PDE4DIP: variants seen among roughly 807,000 people sequenced by gnomAD.
The protein encoded by PDE4DIP is phosphodiesterase 4D interacting protein.
A neutral mutation model predicts 221.4 loss-of-function variants in PDE4DIP; 59 were observed. The observed-to-expected ratio is 0.27, with a 90% CI of 0.22 to 0.33. The LOEUF (loss-of-function observed/expected upper bound fraction) is 0.33. Ranked by LOEUF, PDE4DIP falls within the 10% of genes least tolerant of loss-of-function variation. The pLI is 1.00. For synonymous variants in PDE4DIP, 404 were observed against 815.9 expected (o/e 0.50, Z 8.60); for missense variants, 1,036 against 2,154.2 (o/e 0.48, Z 10.28).
rs781894136 is a variant in PDE4DIP, at chr1:149,005,057, T to C, written c.4035T>C (p.Tyr1345=). 9 of 1,611,920 alleles carry C rather than the reference T, an allele frequency of 5.6e-6. No individual in the cohort carries two copies. In the South Asian group the frequency reaches 7.7e-5, roughly 14 times the overall value. ...GGAAGCAGGAAGAGTTCCGGGTATA[T>C]GGAAAGTCAGAAAACATCTTGGTCC... Residue 1345 remains tyrosine, a synonymous_variant, in exon 27 of 44, where the codon TAT becomes TAC. Transcript: ENST00000369354.
At chr1:148,976,683 T>C (rs2060233139) in intron 17 of PDE4DIP, among the ~76,000 whole-genome samples, 1 of 151,442 alleles carries the variant, frequency 6.6e-6, no homozygotes, top group Non-Finnish European at 1.5e-5. Context: ...TAGAGTATAG[T>C]AAGTGATATG....
At chr1:148,985,675 T>C (rs1244934945) in intron 21 of PDE4DIP, 2 of 152,208 alleles carry the variant, frequency 1.3e-5, no homozygotes, top group African/African-American at 2.4e-5. Flanking sequence ...TAATTAAACT[T>C]ATAAAGTGAT....
chr1:148,922,876 G>A (rs1157488199), intron 1 of PDE4DIP, among the ~76,000 whole-genome samples: 2 of 150,198 alleles, frequency 1.3e-5, no homozygotes, highest in African/African-American at 4.9e-5. Flanking sequence ...ATGAGCCACC[G>A]TGCCCGGCCC....
At chr1:149,016,940 C>T (rs2070805264) in intron 33 of PDE4DIP, among the ~76,000 whole-genome samples, 2 of 152,390 alleles carry the variant, frequency 1.3e-5, no homozygotes, top group South Asian at 4.1e-4. Context: ...CCTGACCCTG[C>T]AAATATATCC....
intron 21 of PDE4DIP, chr1:148,982,590 G>A (rs1340757459): frequency 6.6e-6 from 1 of 152,210 alleles, no homozygotes; most frequent in Non-Finnish European, 1.5e-5. Flanking sequence ...AGTGTGAAAA[G>A]TAACCAAGAT....
intron 1 of PDE4DIP, among the ~76,000 whole-genome samples, chr1:148,925,722 C>A (rs1553465349): frequency 6.6e-6 from 1 of 150,750 alleles, no homozygotes; most frequent in Non-Finnish European, 1.5e-5. Context: ...TTGTTCTATG[C>A]TTATCATGCA....
intron 5 of PDE4DIP, among the ~76,000 whole-genome samples, chr1:148,940,522 A>G (rs2050288651): frequency 6.7e-6 from 1 of 150,222 alleles, no homozygotes; most frequent in African/African-American, 2.4e-5. Context: ...CATCTATGGT[A>G]TTCTGAAATA....
In PDE4DIP at chr1:148,984,610, C is replaced by T. The variant is rs1365657197; in HGVS notation, c.2815+3213C>T. The T allele has an allele frequency of 2.6e-5, 4 of 152,092 alleles. 1 individual carries two copies. Among genetic ancestry groups the T allele is most frequent in the African/African-American group, 7.2e-5 (3 of 41,436 alleles). 9.4% of individuals were successfully genotyped at this position (152,092 alleles called of 1,614,324 possible). A position where few individuals can be genotyped will look rare whatever the true frequency, so the allele number is the denominator to read the frequency against. ...GATGTTTGGTTCATAGCTTCAAAAA[C>T]TGTTCAAGAAGACTGATTTCAGTTC... On this transcript the variant is annotated intron_variant, in intron 21 of 43. Transcript: ENST00000369354.
At chr1:149,015,026 G>A (rs1368557673) in intron 32 of PDE4DIP, among the ~76,000 whole-genome samples, 5 of 151,880 alleles carry the variant, frequency 3.3e-5, no homozygotes, top group South Asian at 2.1e-4. Flanking sequence ...AGGAAATCAT[G>A]TATTTGTTGC....
At chr1:148,864,872 GA>G (rs1685908205) in intron 2 of PDE4DIP, among the ~76,000 whole-genome samples, 2 of 120,330 alleles carry the variant, frequency 1.7e-5, no homozygotes, top group African/African-American at 7.4e-5. Context: ...CTGTTTTACA[GA>G]GGCAATATAT....
At chr1:148,950,289 AC>A (rs2151203798) in intron 5 of PDE4DIP, among the ~76,000 whole-genome samples, 1 of 151,306 alleles carries the variant, frequency 6.6e-6, no homozygotes, top group East Asian at 2.0e-4. Flanking sequence ...TCTATAGATC[AC>A]CATAGATTCC....
At chr1:149,029,328 T>C (rs2076047405) in intron 41 of PDE4DIP, among the ~76,000 whole-genome samples, 1 of 152,202 alleles carries the variant, frequency 6.6e-6, no homozygotes, top group Non-Finnish European at 1.5e-5. Flanking sequence ...GATCCAACTA[T>C]GCTAATTCCA....
chr1:148,975,033 T>C (rs1160612750), intron 17 of PDE4DIP, among the ~76,000 whole-genome samples: 4 of 129,038 alleles, frequency 3.1e-5, no homozygotes, highest in Non-Finnish European at 6.4e-5. Context: ...TAGCCAGGTG[T>C]AGTGGCGGGC....
At chr1:148,947,007 T>C (rs1488039633) in intron 5 of PDE4DIP, among the ~76,000 whole-genome samples, 1 of 152,278 alleles carries the variant, frequency 6.6e-6, no homozygotes, top group Non-Finnish European at 1.5e-5. Flanking sequence ...TAAATTTAAT[T>C]CAGTACCATT....
At chr1:148,975,266 G>A (rs1416001914) in intron 17 of PDE4DIP, among the ~76,000 whole-genome samples, 1 of 147,476 alleles carries the variant, frequency 6.8e-6, no homozygotes, top group Non-Finnish European at 1.5e-5. Context: ...TTAGATCCGT[G>A]AAATTAGATT....
chr1:148,948,634 T>A (rs1219839843), intron 5 of PDE4DIP, among the ~76,000 whole-genome samples: 2 of 151,982 alleles, frequency 1.3e-5, no homozygotes, highest in African/African-American at 4.8e-5. Context: ...CAAATTAAAA[T>A]TTTGAGGGAA....
Position 149,032,150 on chromosome 1 carries a change from T to C in PDE4DIP, c.*165T>C, listed in dbSNP as rs1553639264. 29 of 1,351,458 alleles carry C rather than the reference T, an allele frequency of 2.1e-5. No homozygotes were observed. The Middle Eastern group carries it at 1.3e-3, about 58-fold the overall frequency. 83.7% of individuals were successfully genotyped at this position (1,351,458 alleles called of 1,614,324 possible). On this transcript the variant is annotated 3_prime_UTR_variant, in exon 44 of 44. Transcript: ENST00000369354. ...AGGGTCCAGAAGAGGGAGTCAGAGA[T>C]GTATCCTGGTGGAGCTGGGAGAAAG...
chr1:149,029,694 T>C (rs1553634117), intron 41 of PDE4DIP, 93 bp from the exon 45 acceptor site: 1 of 770,150 alleles, frequency 1.3e-6, no homozygotes, highest in Non-Finnish European at 2.2e-6. Context: ...TTGAGAAGAC[T>C]GTAGAATCCT....
rs10699564 is a variant in PDE4DIP at position 148,819,916 on chromosome 1, C to CTTT, written c.233+11206_233+11208dup. On this transcript the variant is annotated intron_variant, in intron 1 of 45. Transcript: ENST00000524974. Reference sequence around the variant, plus strand: ...ACTTAATATTGAAATCTGTTTATATCTTTTTTTTTTTTTTTTTTTTTTTTT... The same window carrying CTTT: ...ACTTAATATTGAAATCTGTTTATATCTTTTTTTTTTTTTTTTTTTTTTTTTTTT... Among the ~76,000 whole-genome samples the CTTT allele has an allele frequency of 1.0e-3, 36 of 34,802 alleles. 5 individuals carry two copies. The highest frequency in any genetic ancestry group is 3.0e-3 in the East Asian group (1 of 328). 22.8% of individuals were successfully genotyped at this position (34,802 alleles called of 152,430 possible).
Sources: gnomAD v4.1 joint callset for allele counts (sites outside exome capture counted in the v4.1 genomes callset) on GRCh38, gnomAD v4.1.1 for gene constraint, MANE v1.5 for transcripts, NCBI Gene and HGNC (gene_info 2026-07-23, HGNC 2026-07-21) for gene names.